MTFMT: variants seen among roughly 807,000 people sequenced by gnomAD.
The protein encoded by MTFMT is methionyl-tRNA formyltransferase, mitochondrial.
MTFMT carries 47 observed loss-of-function variants against 51.8 expected under a neutral mutation model. That is an observed-to-expected ratio of 0.91 (90% CI 0.72 to 1.16). The LOEUF (loss-of-function observed/expected upper bound fraction) is 1.16. Ranked by LOEUF, MTFMT falls within the 50% of genes most tolerant of loss-of-function variation. The probability of loss-of-function intolerance (pLI) is 0.00; values close to 1 mark genes in which losing one functional copy is unlikely to be tolerated. For synonymous variants in MTFMT, 196 were observed against 176.7 expected (o/e 1.11, Z -0.87); for missense variants, 512 against 482.3 (o/e 1.06, Z -0.58).
chr15:65,010,823 A>G (rs2140477236), intron 6 of MTFMT, among the ~76,000 whole-genome samples: 1 of 152,336 alleles, frequency 6.6e-6, no homozygotes, highest in East Asian at 1.9e-4. Context: ...AGAGGTAAAC[A>G]TGGTACCATG....
intron 8 of MTFMT, among the ~76,000 whole-genome samples, chr15:65,004,145 T>C (rs1308425982): frequency 6.6e-6 from 1 of 151,856 alleles, no homozygotes; most frequent in Non-Finnish European, 1.5e-5. Flanking sequence ...GCCTCCCAAG[T>C]AGCTGGGATT....
chr15:65,005,486 T>C (rs1230559164), intron 7 of MTFMT, among the ~76,000 whole-genome samples: 1 of 152,146 alleles, frequency 6.6e-6, no homozygotes, highest in Non-Finnish European at 1.5e-5. Flanking sequence ...TTCATTATAA[T>C]ATTCACCAGA....
intron 3 of MTFMT, among the ~76,000 whole-genome samples, chr15:65,023,020 C>T (rs536580676): frequency 1.3e-5 from 2 of 152,184 alleles, no homozygotes; most frequent in Admixed American, 1.3e-4. Context: ...TTTTGCCACT[C>T]TTGTCTCATC....
intron 7 of MTFMT, among the ~76,000 whole-genome samples, chr15:65,005,502 A>T (rs753659339): frequency 6.6e-6 from 1 of 152,172 alleles, no homozygotes; most frequent in Non-Finnish European, 1.5e-5. Context: ...CCAGAATGAA[A>T]CTAATCGAGT....
chr15:65,023,613 C>A, intron 3 of MTFMT, 59 bp downstream of exon 3: 1 of 1,576,032 alleles, frequency 6.3e-7, no homozygotes. Context: ...GCCCCCCAAA[C>A]AGGCTGACAT....
intron 2 of MTFMT, chr15:65,026,260 C>A (rs778669018): frequency 9.5e-5 from 16 of 167,882 alleles, no homozygotes; most frequent in Admixed American, 1.2e-4. Flanking sequence ...TTTTTCAATG[C>A]GTCTTGAACA....
chr15:65,010,183 T>C (rs2086251985), intron 6 of MTFMT, among the ~76,000 whole-genome samples: 1 of 152,194 alleles, frequency 6.6e-6, no homozygotes, highest in Non-Finnish European at 1.5e-5. Context: ...TCTTGGGTTG[T>C]TTTTTTGTTT....
chr15:65,013,284 C>CTTTT (rs754840838), intron 6 of MTFMT, among the ~76,000 whole-genome samples: 9 of 113,242 alleles, frequency 7.9e-5, no homozygotes, highest in East Asian at 6.4e-4. Flanking sequence ...TTTCTTTCTT[C>CTTTT]TTCTTTTTTT....
intron 6 of MTFMT, among the ~76,000 whole-genome samples, chr15:65,013,659 T>C (rs540226470): frequency 4.7e-4 from 71 of 152,286 alleles, no homozygotes; most frequent in African/African-American, 1.6e-3. Context: ...AAATCCCACT[T>C]GGGGCAGGGT....
Position 65,020,269 on chromosome 15 carries a change from T to C in MTFMT, c.649A>G (p.Ile217Val), listed in dbSNP as rs377708552. 8.9e-6 allele frequency: 14 copies of C among 1,567,600 alleles called. No homozygotes were observed. The African/African-American group carries it at 1.6e-4, about 18-fold the overall frequency. Residue 217 changes from isoleucine to valine, a missense_variant, in exon 5 of 9, where the codon ATT becomes GTT. By Grantham distance (29) the Ile-to-Val change is conservative (BLOSUM62 3). Coordinates refer to ENST00000220058, the MANE Select transcript of MTFMT (RefSeq NM_139242.4). ...TCAGGCAAATTTTTCAAAACTGAAATGAGCTACAAAAAAAAAAAAAAGAGT... is the reference window on the plus strand; with the variant it reads ...TCAGGCAAATTTTTCAAAACTGAAACGAGCTACAAAAAAAAAAAAAAGAGT... ...VLSRLGANML[I>V]SVLKNLPESL...
chr15:65,006,584 G>A (rs2086221564), intron 6 of MTFMT, among the ~76,000 whole-genome samples: 2 of 152,008 alleles, frequency 1.3e-5, no homozygotes, highest in Admixed American at 1.3e-4. Flanking sequence ...CACCATGTTA[G>A]CCACGATGGT....
intron 2 of MTFMT, among the ~76,000 whole-genome samples, chr15:65,024,391 A>G (rs555237958): frequency 6.6e-6 from 1 of 152,364 alleles, no homozygotes; most frequent in South Asian, 2.1e-4. Context: ...ATTTATGACT[A>G]TAAGAGAACC....
At chr15:65,027,083 G>C (rs1402890388) in intron 1 of MTFMT, 43 bp from the exon 2 acceptor site, 21 of 1,459,522 alleles carry the variant, frequency 1.4e-5, no homozygotes, top group Non-Finnish European at 2.0e-5. Context: ...TTAAGGCAAT[G>C]ACTCAAAGCT....
At chr15:65,016,632 T>C (rs2086324452) in intron 5 of MTFMT, 105 bp from the exon 6 acceptor site, 5 of 583,842 alleles carry the variant, frequency 8.6e-6, no homozygotes, top group Non-Finnish European at 2.9e-6. Context: ...TTCTAACCTC[T>C]CAACTTTTCT....
chr15:65,010,661 A>G (rs1292052142), intron 6 of MTFMT, among the ~76,000 whole-genome samples: 1 of 152,178 alleles, frequency 6.6e-6, no homozygotes, highest in Non-Finnish European at 1.5e-5. Context: ...TGCTGCTATG[A>G]AGATTCGGGT....
Position 65,003,099 on chromosome 15 carries a change from T to C in MTFMT, c.1133A>G (p.Gln378Arg). ...TTGTTGCATAGCAACAGTTTTTTTC[T>C]GCTTCTTCTTTGTTGGAAGTCTGAG... Reference protein sequence around the residue: ...QTLRLPTKKKQKKTVAMQQCI... With the variant: ...QTLRLPTKKKRKKTVAMQQCI... Residue 378 changes from glutamine to arginine, a missense_variant, in exon 9 of 9, where the codon CAG (glutamine) becomes CGG (arginine). Gln to Arg is a conservative substitution (Grantham distance 43). Coordinates refer to ENST00000220058, the MANE Select transcript of MTFMT (RefSeq NM_139242.4). The C allele has an allele frequency of 6.2e-7, 1 of 1,609,384 alleles. No homozygotes were observed. The highest frequency in any genetic ancestry group is 8.5e-7 in the Non-Finnish European group (1 of 1,177,482).
chr15:65,012,896 G>A (rs1823419061), intron 6 of MTFMT, among the ~76,000 whole-genome samples: 1 of 152,088 alleles, frequency 6.6e-6, no homozygotes, highest in Admixed American at 6.6e-5. Flanking sequence ...AAGCCAATTG[G>A]GATTTTTTTT....
chr15:65,020,545 T>C lies in MTFMT; in HGVS notation c.646-273A>G, dbSNP rs545633748. Among the ~76,000 whole-genome samples the C allele has an allele frequency of 2.6e-5, 4 of 152,234 alleles. No homozygotes were observed. The East Asian group carries it at 5.8e-4, about 22-fold the overall frequency. On this transcript the variant is annotated intron_variant, in intron 4 of 8. Transcript: ENST00000220058. ...AGTAGAGATTCTGCTTTCTGTAGAGTACAGGTCATTGATTCACTTCTAGAG... is the reference window on the plus strand; with the variant it reads ...AGTAGAGATTCTGCTTTCTGTAGAGCACAGGTCATTGATTCACTTCTAGAG...
intron 5 of MTFMT, among the ~76,000 whole-genome samples, chr15:65,019,285 G>T (rs1460982585): frequency 6.6e-6 from 1 of 152,176 alleles, no homozygotes; most frequent in East Asian, 1.9e-4. Flanking sequence ...TAAGACTGTA[G>T]GGGACAAAAG....
Sources: gnomAD v4.1 joint callset for allele counts (sites outside exome capture counted in the v4.1 genomes callset) on GRCh38, gnomAD v4.1.1 for gene constraint, MANE v1.5 for transcripts, NCBI Gene and HGNC (gene_info 2026-07-23, HGNC 2026-07-21) for gene names.